EBF1: variants seen among roughly 807,000 people sequenced by gnomAD.
EBF1 encodes transcription factor COE1.
Under a neutral mutation model 68.4 loss-of-function variants are expected in EBF1, and 10 were observed. That is an observed-to-expected ratio of 0.15 (90% CI 0.09 to 0.25). The LOEUF is 0.25. Ranked by LOEUF, EBF1 falls within the 10% of genes least tolerant of loss-of-function variation. EBF1 has a pLI of 1.00. For missense variants in EBF1, 509 were observed against 794.4 expected (o/e 0.64, Z 4.32); for synonymous variants, 298 against 299.8 (o/e 0.99, Z 0.06).
Position 159,099,870 on chromosome 5 carries a change from G to T in EBF1, c.-392C>A, listed in dbSNP as rs1277983949. ...TCACAGGCCGGTGGAGGACAGGAGG[G>T]GCTGGAGTTTCCTTTTGTAGAGGTA... On this transcript the variant is annotated 5_prime_UTR_variant, in exon 1 of 16. Transcript: ENST00000313708. The T allele has an allele frequency of 8.1e-6, 1 of 124,186 alleles. No homozygotes were observed. 7.7% of individuals were successfully genotyped at this position (124,186 alleles called of 1,614,324 possible).
chr5:158,975,701 T>A (rs114930425), intron 6 of EBF1, among the ~76,000 whole-genome samples: 1 of 152,180 alleles, frequency 6.6e-6, no homozygotes, highest in South Asian at 2.1e-4. Context: ...GAGAAACTTA[T>A]CCACAGCCAC....
chr5:159,054,110 T>A (rs141857724), intron 6 of EBF1, among the ~76,000 whole-genome samples: 9 of 152,242 alleles, frequency 5.9e-5, no homozygotes, highest in Non-Finnish European at 8.8e-5. Flanking sequence ...GGATTTCTTT[T>A]AATAGTTAGT....
intron 6 of EBF1, among the ~76,000 whole-genome samples, chr5:158,956,605 T>G (rs1318059246): frequency 6.6e-6 from 1 of 152,052 alleles, no homozygotes; most frequent in African/African-American, 2.4e-5. Flanking sequence ...AAACAATTAA[T>G]TCTTTGAGAA....
At chr5:158,775,761 C>A (rs577498910) in intron 10 of EBF1, among the ~76,000 whole-genome samples, 91 of 139,002 alleles carry the variant, frequency 6.5e-4, no homozygotes, top group African/African-American at 2.5e-3. Context: ...CACACACACA[C>A]ACACACACAC....
intron 6 of EBF1, among the ~76,000 whole-genome samples, chr5:158,914,405 A>T (rs1385063752): frequency 1.3e-5 from 2 of 152,146 alleles, no homozygotes; most frequent in Non-Finnish European, 2.9e-5. Flanking sequence ...CTGGAGGGGA[A>T]AGGTTCATGC....
At chr5:158,842,630 A>G (rs1790556785) in intron 6 of EBF1, among the ~76,000 whole-genome samples, 2 of 152,242 alleles carry the variant, frequency 1.3e-5, no homozygotes, top group Non-Finnish European at 2.9e-5. Context: ...GCCTTACTGT[A>G]TAGGGAAACT....
intron 5 of EBF1, 117 bp downstream of exon 5, chr5:159,084,549 T>C (rs1780305982): frequency 3.6e-6 from 3 of 827,494 alleles, no homozygotes; most frequent in East Asian, 2.9e-5. Context: ...AGATTGTCTA[T>C]AGAAGCAAGA....
chr5:158,766,026 A>C (rs572562121), intron 10 of EBF1, among the ~76,000 whole-genome samples: 2 of 152,322 alleles, frequency 1.3e-5, no homozygotes, highest in South Asian at 4.1e-4. Context: ...TTTCTCAATT[A>C]TGTTACTTTA....
At chr5:158,790,376 G>T (rs1387571735) in intron 9 of EBF1, among the ~76,000 whole-genome samples, 1 of 152,142 alleles carries the variant, frequency 6.6e-6, no homozygotes, top group South Asian at 2.1e-4. Context: ...ATTTAAGATG[G>T]TTTTCTCACA....
intron 6 of EBF1, chr5:158,941,183 TGTGA>T (rs2127471337): frequency 2.2e-6 from 1 of 455,998 alleles, no homozygotes; most frequent in African/African-American, 2.0e-5. Flanking sequence ...TCAGGTTTGC[TGTGA>T]GTGAAAGAGA....
intron 6 of EBF1, 35 bp from the exon 7 acceptor site, chr5:158,840,145 G>C (rs775709258): frequency 9.6e-6 from 15 of 1,556,014 alleles, no homozygotes; most frequent in Non-Finnish European, 1.2e-5. Context: ...TTAGCATTTC[G>C]GTTTCTGACA....
intron 11 of EBF1, 140 bp downstream of exon 11, chr5:158,730,929 T>C (rs2127544419): frequency 1.5e-6 from 1 of 688,420 alleles, no homozygotes; most frequent in East Asian, 2.7e-5. Context: ...CTTTTATTAT[T>C]GCTTACCTTA....
At chr5:159,074,496 G>A (rs1292959537) in intron 5 of EBF1, among the ~76,000 whole-genome samples, 1 of 152,172 alleles carries the variant, frequency 6.6e-6, no homozygotes, top group African/African-American at 2.4e-5. Flanking sequence ...ACACACACAC[G>A]TGTACACAGA....
chr5:158,847,358 T>A (rs1445463586), intron 6 of EBF1, among the ~76,000 whole-genome samples: 2 of 152,142 alleles, frequency 1.3e-5, no homozygotes, highest in Non-Finnish European at 2.9e-5. Context: ...CAGGAAAAAG[T>A]CTTGAGACAG....
chr5:158,924,808 G>A (rs960654779), intron 6 of EBF1, among the ~76,000 whole-genome samples: 23 of 139,464 alleles, frequency 1.6e-4, no homozygotes, highest in East Asian at 4.3e-4. Flanking sequence ...AGCCGAGATC[G>A]CGCCACTGCA....
intron 12 of EBF1, 131 bp downstream of exon 12, chr5:158,713,986 T>A: frequency 1.2e-6 from 1 of 861,772 alleles, no homozygotes; most frequent in Non-Finnish European, 1.9e-6. Context: ...ACATGTTATA[T>A]CTGAATTACT....
chr5:158,749,565 C>T (rs1768325140), intron 10 of EBF1, among the ~76,000 whole-genome samples: 2 of 152,132 alleles, frequency 1.3e-5, no homozygotes, highest in African/African-American at 4.8e-5. Flanking sequence ...GTGAAGTCAA[C>T]ACTTGGTAGA....
intron 6 of EBF1, among the ~76,000 whole-genome samples, chr5:158,972,679 T>C (rs1333475728): frequency 2.0e-5 from 3 of 152,226 alleles, no homozygotes; most frequent in African/African-American, 7.2e-5. Flanking sequence ...CATCTATTTG[T>C]CCTCCACTTT....
At chr5:158,835,158 C>A (rs1344756205) in intron 7 of EBF1, among the ~76,000 whole-genome samples, 1 of 152,232 alleles carries the variant, frequency 6.6e-6, no homozygotes, top group East Asian at 1.9e-4. Context: ...ACACACACCT[C>A]TGTAGCCAGG....
Sources: allele counts gnomAD v4.1 joint callset (sites outside exome capture counted in the v4.1 genomes callset), GRCh38; gene constraint gnomAD v4.1.1; transcripts MANE v1.5; gene names NCBI Gene and HGNC (gene_info 2026-07-23, HGNC 2026-07-21).